MBTD1: variants seen among roughly 807,000 people sequenced by gnomAD.
The protein encoded by MBTD1 is MBT domain-containing protein 1.
MBTD1 carries 24 observed loss-of-function variants against 87.8 expected under a neutral mutation model. The observed-to-expected ratio is 0.27, with a 90% CI of 0.20 to 0.38. MBTD1 has a LOEUF of 0.38. Ranked by LOEUF, MBTD1 falls within the 10% of genes least tolerant of loss-of-function variation. MBTD1 has a pLI of 1.00. For synonymous variants in MBTD1, 237 were observed against 248.6 expected, an observed-to-expected ratio of 0.95 and a Z score of 0.44; for missense variants, 436 against 760.2, an observed-to-expected ratio of 0.57 and a Z score of 5.02.
intron 6 of MBTD1, among the ~76,000 whole-genome samples, chr17:51,212,674 T>C (rs1316922027): frequency 6.6e-6 from 1 of 152,098 alleles, no homozygotes; most frequent in African/African-American, 2.4e-5. Flanking sequence ...TTTTACTTGA[T>C]TTCACATGGC....
At position 51,259,852 on chromosome 17, in the gene MBTD1, C is replaced by G; in HGVS notation, c.-130G>C. ...GCTCTCACCAGATCCTTTGTGTTTT[C>G]CATCAGGGCCTCATGGGTAGGGGTT... On this transcript the variant is annotated 5_prime_UTR_variant, in exon 1 of 17. Coordinates refer to ENST00000586178, the MANE Select transcript of MBTD1 (RefSeq NM_017643.3). 8.1e-7 allele frequency: 1 copy of G among 1,231,966 alleles called. No homozygotes were observed. The highest frequency in any genetic ancestry group is 4.2e-5 in the Admixed American group (1 of 23,718). 76.3% of individuals were successfully genotyped at this position (1,231,966 alleles called of 1,614,324 possible).
chr17:51,233,449 T>G (rs2053654448), intron 2 of MBTD1, among the ~76,000 whole-genome samples: 1 of 152,012 alleles, frequency 6.6e-6, no homozygotes, highest in South Asian at 2.1e-4. Context: ...GAGAACAAGA[T>G]AGACCTTGGA....
At chr17:51,212,352 C>G (rs563352428) in intron 6 of MBTD1, among the ~76,000 whole-genome samples, 1 of 108,230 alleles carries the variant, frequency 9.2e-6, no homozygotes, top group Admixed American at 9.1e-5. Flanking sequence ...AGTGAGACTC[C>G]GCCTCAAAAA....
chr17:51,238,503 G>A (rs780609560), intron 2 of MBTD1, among the ~76,000 whole-genome samples: 2 of 152,172 alleles, frequency 1.3e-5, no homozygotes, highest in Non-Finnish European at 2.9e-5. Context: ...ATGTCTCAGC[G>A]TTACAGCTGT....
chr17:51,225,166 A>G lies in MBTD1; in HGVS notation c.-5T>C. The stretch of plus-strand genomic sequence containing the variant: ...GCTATCATAACCGTCAAACATCCCG[A>G]AAGAATCTCTTCTTTTCCTTTCAGA... On this transcript the variant is annotated 5_prime_UTR_variant, in exon 3 of 17. Coordinates refer to ENST00000586178, the MANE Select transcript of MBTD1 (RefSeq NM_017643.3). 6.5e-6 allele frequency: 10 copies of G among 1,541,598 alleles called. No individual in the cohort carries two copies. Among genetic ancestry groups the G allele is most frequent in the Non-Finnish European group, 7.9e-6 (9 of 1,143,488 alleles).
intron 12 of MBTD1, among the ~76,000 whole-genome samples, chr17:51,197,526 T>C (rs942885998): frequency 6.6e-6 from 1 of 151,542 alleles, no homozygotes; most frequent in Non-Finnish European, 1.5e-5. Flanking sequence ...TTTTCTTTTT[T>C]TTTTTTTTTG....
chr17:51,232,335 G>A (rs568261584), intron 2 of MBTD1, among the ~76,000 whole-genome samples: 6 of 152,168 alleles, frequency 3.9e-5, no homozygotes, highest in East Asian at 1.9e-4. Flanking sequence ...TATCAAGTAT[G>A]AGCGCACGAT....
chr17:51,196,226 T>A (rs1369570329), intron 12 of MBTD1, among the ~76,000 whole-genome samples: 1 of 131,082 alleles, frequency 7.6e-6, no homozygotes, highest in Admixed American at 7.4e-5. Flanking sequence ...CCACCCTGCC[T>A]TTTTTTTTTT....
intron 2 of MBTD1, among the ~76,000 whole-genome samples, chr17:51,235,971 A>G (rs935769461): frequency 3.9e-5 from 6 of 152,152 alleles, no homozygotes; most frequent in African/African-American, 1.4e-4. Context: ...ATGAAACAGA[A>G]TAAGAGTCCA....
At position 51,191,277 on chromosome 17, in the gene MBTD1, T is replaced by C. The variant is rs1418988522; in HGVS notation, c.1768+926A>G. 3.7e-5 allele frequency among the ~76,000 whole-genome samples: 5 copies of C among 136,320 alleles called. No individual in the cohort carries two copies. The East Asian group carries it at 6.3e-4, about 17-fold the overall frequency. The allele number at this position is 136,320 out of a possible 152,430, so 89.4% of individuals were successfully genotyped here. A position where few individuals can be genotyped will look rare whatever the true frequency, so the allele number is the denominator to read the frequency against. On this transcript the variant is annotated intron_variant, in intron 16 of 16. Coordinates refer to ENST00000586178, the MANE Select transcript of MBTD1 (RefSeq NM_017643.3). ...AAGAATTTCTTTTTTTTTTTTTTTT[T>C]CGAGATGGAGTTTTGCTCTTGTTGC... is the stretch of plus-strand genomic sequence containing the variant.
At chr17:51,243,685 T>C (rs2054279427) in intron 2 of MBTD1, among the ~76,000 whole-genome samples, 1 of 152,190 alleles carries the variant, frequency 6.6e-6, no homozygotes, top group Non-Finnish European at 1.5e-5. Context: ...TCCTTTAATC[T>C]GGAAGATTAG....
At chr17:51,255,787 A>G (rs1236749974) in intron 2 of MBTD1, among the ~76,000 whole-genome samples, 3 of 151,948 alleles carry the variant, frequency 2.0e-5, no homozygotes, top group Admixed American at 6.6e-5. Context: ...TTGTAGAGAC[A>G]GGGTTTCGCC....
intron 6 of MBTD1, among the ~76,000 whole-genome samples, chr17:51,215,906 T>G (rs2052537920): frequency 6.6e-6 from 1 of 151,656 alleles, no homozygotes; most frequent in Non-Finnish European, 1.5e-5. Context: ...TCATATGCTG[T>G]TATCTAAAAA....
chr17:51,236,957 TAAGC>T (rs2053874676), intron 2 of MBTD1, among the ~76,000 whole-genome samples: 1 of 152,114 alleles, frequency 6.6e-6, no homozygotes, highest in Non-Finnish European at 1.5e-5. Context: ...AATCTTGTGT[TAAGC>T]AAGAAGTTTT....
In MBTD1 at chr17:51,179,127, GTAGAGGT is replaced by G. The variant is rs1482833716; in HGVS notation, c.*1442_*1448del. ...AAAGCATTCCATAGGCTGAAGGACT[GTAGAGGT>G]TAATCATTTTGATTAATTTCTAATT... On this transcript the variant is annotated 3_prime_UTR_variant, in exon 17 of 17. Coordinates refer to ENST00000586178, the MANE Select transcript of MBTD1 (RefSeq NM_017643.3). The G allele has an allele frequency of 6.6e-6, 1 of 152,036 alleles. No homozygotes were observed. The highest frequency in any genetic ancestry group is 2.4e-5 in the African/African-American group (1 of 41,418). 9.4% of individuals were successfully genotyped at this position (152,036 alleles called of 1,614,324 possible). A position where few individuals can be genotyped will look rare whatever the true frequency, so the allele number is the denominator to read the frequency against.
At position 51,230,409 on chromosome 17, in the gene MBTD1, C is replaced by T. The variant is rs77222286; in HGVS notation, c.-48-5200G>A. On this transcript the variant is annotated intron_variant, in intron 2 of 16. Coordinates refer to ENST00000586178, the MANE Select transcript of MBTD1 (RefSeq NM_017643.3). ...CGACATTTATCAAGTATTTGTGGGT[C>T]TCATAGTAACCAAGGCTAAAGACAG... 7.0e-3 allele frequency among the ~76,000 whole-genome samples: 1,059 copies of T among 152,036 alleles called. 12 individuals are homozygous for T. The highest frequency in any genetic ancestry group is 0.024 in the African/African-American group (1,001 of 41,364).
At chr17:51,201,555 T>C in intron 12 of MBTD1, 37 bp downstream of exon 12, 1 of 1,355,614 alleles carries the variant, frequency 7.4e-7, no homozygotes, top group Non-Finnish European at 1.0e-6. Flanking sequence ...CCAAATCCTA[T>C]AATTGCATTT....
intron 6 of MBTD1, among the ~76,000 whole-genome samples, chr17:51,216,091 CT>C (rs2052555468): frequency 6.6e-6 from 1 of 151,956 alleles, no homozygotes; most frequent in Admixed American, 6.6e-5. Context: ...ACCATCACCC[CT>C]GGCTAATTTT....
At chr17:51,238,705 T>C (rs752086154) in intron 2 of MBTD1, among the ~76,000 whole-genome samples, 14 of 152,168 alleles carry the variant, frequency 9.2e-5, no homozygotes, top group Admixed American at 3.9e-4. Context: ...GGAAACAAAG[T>C]TGTATCAGAA....
Sources: allele counts gnomAD v4.1 joint callset (sites outside exome capture counted in the v4.1 genomes callset), GRCh38; gene constraint gnomAD v4.1.1; transcripts MANE v1.5; gene names NCBI Gene and HGNC (gene_info 2026-07-23, HGNC 2026-07-21).